The following FHIP2A variants were observed in gnomAD, a reference collection of about 807,000 sequenced individuals.
FHIP2A encodes the protein family with sequence similarity 160 member B1.
A neutral mutation model predicts 93.5 loss-of-function variants in FHIP2A; 46 were observed. The ratio of observed to expected loss-of-function variants is 0.49; its 90% CI spans 0.39 to 0.63. The LOEUF (loss-of-function observed/expected upper bound fraction) is 0.63, where lower values mean the gene tolerates loss of function less well. Among genes scored for constraint, FHIP2A ranks in the 20% least tolerant of loss-of-function variants. FHIP2A has a pLI of 0.00. For missense variants in FHIP2A, 769 were observed against 909.7 expected, an observed-to-expected ratio of 0.85 and a Z score of 1.99; for synonymous variants, 332 against 326.5, an observed-to-expected ratio of 1.02 and a Z score of -0.18.
rs146859633 is a variant in FHIP2A, at chr10:114,843,886, C to T, written c.962C>T (p.Pro321Leu). The T allele has an allele frequency of 1.9e-6, 3 of 1,601,832 alleles. No homozygotes were observed. Among genetic ancestry groups the T allele is most frequent in the Non-Finnish European group, 2.5e-6 (3 of 1,177,118 alleles). Reference sequence around the variant, plus strand: ...CTTGCCTCCCTGTACAAGGCCCTACCTCAGTCAGTGGATCCGTTAGATATT... The same window carrying T: ...CTTGCCTCCCTGTACAAGGCCCTACTTCAGTCAGTGGATCCGTTAGATATT... ...DRLASLYKAL[P>L]QSVDPLDIET... The change falls in exon 7 of 17, where the codon CCT (proline) becomes CTT (leucine). Residue 321 changes from proline (P) to leucine (L), a missense_variant. Transcript: ENST00000369248.
At chr10:114,840,035 T>C (rs2083660218) in intron 5 of FHIP2A, among the ~76,000 whole-genome samples, 1 of 152,110 alleles carries the variant, frequency 6.6e-6, no homozygotes, top group Non-Finnish European at 1.5e-5. Flanking sequence ...CTTAAGTACT[T>C]ACAGGATGGA....
exon 17 of FHIP2A, chr10:114,899,701 A>T: frequency 1.9e-6 from 1 of 516,740 alleles, no homozygotes; most frequent in East Asian, 3.0e-5. Context: ...GACCAGGCTC[A>T]TCCAAAACAA....
chr10:114,848,591 C>CTTTTTT (rs1380034006), intron 12 of FHIP2A, 56 bp from the exon 13 acceptor site: 1 of 853,948 alleles, frequency 1.2e-6, no homozygotes, highest in Non-Finnish European at 1.8e-6. Context: ...CTACTTTTTC[C>CTTTTTT]TTTTTTTTTT....
At chr10:114,833,181 A>C (rs767338385) in intron 2 of FHIP2A, 52 bp from the exon 3 acceptor site, 100 of 1,420,084 alleles carry the variant, frequency 7.0e-5, no homozygotes, top group Non-Finnish European at 9.4e-5. Context: ...TTAGGTGCAA[A>C]TATGCAGTTT....
chr10:114,896,572 G>A (rs1315034456), intron 16 of FHIP2A, among the ~76,000 whole-genome samples: 1 of 152,182 alleles, frequency 6.6e-6, no homozygotes, highest in Non-Finnish European at 1.5e-5. Flanking sequence ...CTTTGGAAAG[G>A]CTCATCAGAA....
intron 16 of FHIP2A, among the ~76,000 whole-genome samples, chr10:114,892,978 G>A (rs1020663789): frequency 3.3e-5 from 5 of 152,120 alleles, no homozygotes; most frequent in African/African-American, 1.2e-4. Flanking sequence ...GGATAATATG[G>A]TGTGGAGAGG....
rs1021913348 is a variant in FHIP2A at position 114,822,010 on chromosome 10, GGGC to G, written c.-57_-55del. 2.7e-4 allele frequency: 286 copies of G among 1,052,104 alleles called. No individual in the cohort carries two copies. Among genetic ancestry groups the G allele is most frequent in the South Asian group, 1.0e-3 (29 of 27,694 alleles). 65.2% of individuals were successfully genotyped at this position (1,052,104 alleles called of 1,614,324 possible). A position where few individuals can be genotyped will look rare whatever the true frequency, so the allele number is the denominator to read the frequency against. ...GGAGCGGCCCCGGCAGCCGCAGCAG[GGGC>G]GGCGGCGGCGGATCGAGGAGCTCTC... On this transcript the variant is annotated 5_prime_UTR_variant, in exon 1 of 17. Transcript: ENST00000369248.
chr10:114,881,978 A>G (rs1295978800), intron 16 of FHIP2A, among the ~76,000 whole-genome samples: 1 of 152,198 alleles, frequency 6.6e-6, no homozygotes, highest in Non-Finnish European at 1.5e-5. Flanking sequence ...CTGTATGTGT[A>G]TGTGGGCTTT....
At chr10:114,881,125 A>G (rs2083914984) in intron 16 of FHIP2A, among the ~76,000 whole-genome samples, 1 of 152,216 alleles carries the variant, frequency 6.6e-6, no homozygotes, top group Non-Finnish European at 1.5e-5. Context: ...GGGGCTGTAA[A>G]CATGCCTGCA....
At position 114,861,261 on chromosome 10, in the gene FHIP2A, C is replaced by T. The variant is rs756484724; in HGVS notation, c.2119C>T (p.Arg707Cys). The change falls in exon 16 of 17, where the codon CGT (arginine) becomes TGT (cysteine). Residue 707 changes from arginine to cysteine, a missense_variant. Coordinates refer to ENST00000369248, the MANE Select transcript of FHIP2A (RefSeq NM_020940.4). The part of the protein sequence containing the change: ...VVGDLMLRIQ[R>C]IQDFTPKLLL... ...TGGAGACCTTATGCTTCGAATCCAG[C>T]GTATTCAAGACTTTACTCCCAAGCT... is the stretch of plus-strand genomic sequence containing the variant. 9.9e-6 allele frequency: 16 copies of T among 1,614,016 alleles called. No individual in the cohort carries two copies. The highest frequency in any genetic ancestry group is 8.0e-5 in the African/African-American group (6 of 74,920).
downstream of FHIP2A, among the ~76,000 whole-genome samples, chr10:114,868,975 C>T (rs2083844288): frequency 6.6e-6 from 1 of 152,056 alleles, no homozygotes; most frequent in South Asian, 2.1e-4. Flanking sequence ...GAAAAAAGAA[C>T]AAGAGACACA....
At position 114,843,134 on chromosome 10, in the gene FHIP2A, C is replaced by T. The variant is rs760784557; in HGVS notation, c.724C>T (p.Leu242Phe). 2 of 1,614,030 alleles carry T rather than the reference C, an allele frequency of 1.2e-6. No homozygotes were observed. Among genetic ancestry groups the T allele is most frequent in the South Asian group, 1.1e-5 (1 of 91,078 alleles). The change falls in exon 6 of 17, where the codon CTC (leucine) becomes TTC (phenylalanine). Residue 242 changes from leucine to phenylalanine, a missense_variant. Leu to Phe is a conservative substitution (Grantham distance 22). Coordinates refer to ENST00000369248, the MANE Select transcript of FHIP2A (RefSeq NM_020940.4). ...MDHLSTSLDN[L>F]SVTSLPEASV... is the part of the protein sequence containing the mutation. ...TCACCTGTCCACAAGCTTGGATAACCTCAGTGTCACCTCACTGCCAGAGGC... is the reference window on the plus strand; with the variant it reads ...TCACCTGTCCACAAGCTTGGATAACTTCAGTGTCACCTCACTGCCAGAGGC...
chr10:114,855,050 A>G (rs750163130), intron 13 of FHIP2A, 147 bp from the exon 14 acceptor site: 86 of 701,674 alleles, frequency 1.2e-4, no homozygotes, highest in Non-Finnish European at 1.8e-4. Context: ...GATCTGAGTC[A>G]TCTCTTCCCC....
chr10:114,875,866 AAAGAG>A (rs1375830098), intron 16 of FHIP2A, among the ~76,000 whole-genome samples: 1 of 142,236 alleles, frequency 7.0e-6, no homozygotes, highest in Non-Finnish European at 1.5e-5. Context: ...AGAAAGAAAG[AAAGAG>A]AAAGAAAGAA....
rs1172979290 is a variant in FHIP2A, at chr10:114,863,737, G to C, written c.*2197G>C. ...GCATCACCAGTTTTTCTTACCTTCT[G>C]TTGACAGCTGAATATTTCTGTTACT... On this transcript the variant is annotated 3_prime_UTR_variant, in exon 17 of 17. Transcript: ENST00000369248. 1 of 1,288,406 alleles carries C rather than the reference G, an allele frequency of 7.8e-7. No homozygotes were observed. Among genetic ancestry groups the C allele is most frequent in the African/African-American group, 1.5e-5 (1 of 64,918 alleles). The allele number at this position is 1,288,406 out of a possible 1,614,324, so 79.8% of individuals were successfully genotyped here. A position where few individuals can be genotyped will look rare whatever the true frequency, so the allele number is the denominator to read the frequency against.
At chr10:114,896,505 C>G (rs776869292) in intron 16 of FHIP2A, among the ~76,000 whole-genome samples, 1 of 152,218 alleles carries the variant, frequency 6.6e-6, no homozygotes. Context: ...ACAGGCCTCC[C>G]ATTCTATTCA....
chr10:114,845,966 C>G, intron 8 of FHIP2A, 47 bp from the exon 9 acceptor site: 1 of 1,421,426 alleles, frequency 7.0e-7, no homozygotes, highest in Non-Finnish European at 9.8e-7. Flanking sequence ...ACAAATTAGT[C>G]TTTCTTTTAT....
intron 12 of FHIP2A, among the ~76,000 whole-genome samples, 169 bp from the exon 13 acceptor site, chr10:114,848,478 A>G (rs1366703779): frequency 6.6e-6 from 1 of 152,142 alleles, no homozygotes; most frequent in Non-Finnish European, 1.5e-5. Flanking sequence ...TCGGGTTTCC[A>G]TTTGTATTAA....
Position 114,846,578 on chromosome 10 carries a change from G to A in FHIP2A, c.1418G>A (p.Arg473Gln), listed in dbSNP as rs543228373. The change falls in exon 11 of 17, where the codon CGA (arginine) becomes CAA (glutamine). Residue 473 changes from arginine to glutamine, a missense_variant. Coordinates refer to ENST00000369248, the MANE Select transcript of FHIP2A (RefSeq NM_020940.4). ...TTTCAGATAAGCATAATGACATTAC[G>A]AATGTTTGAACATCTTTTACAAAAA... The part of the protein sequence containing the change: ...ISDEISIMTL[R>Q]MFEHLLQKPN... 5 of 1,600,204 alleles carry A rather than the reference G, an allele frequency of 3.1e-6. No individual in the cohort carries two copies. Among genetic ancestry groups the A allele is most frequent in the African/African-American group, 1.3e-5 (1 of 74,150 alleles).
Sources: gnomAD v4.1 joint callset for allele counts (sites outside exome capture counted in the v4.1 genomes callset) on GRCh38, gnomAD v4.1.1 for gene constraint, MANE v1.5 for transcripts, NCBI Gene and HGNC (gene_info 2026-07-23, HGNC 2026-07-21) for gene names.